The following RAPGEF4 variants were observed in gnomAD, a reference collection of about 807,000 sequenced individuals.
RAPGEF4 encodes Rap guanine nucleotide exchange factor 4, also known as RAP guanine-nucleotide-exchange factor (GEF) 4.
Under a neutral mutation model 147.9 loss-of-function variants are expected in RAPGEF4, and 66 were observed. The ratio of observed to expected loss-of-function variants is 0.45; its 90% confidence interval spans 0.37 to 0.55. RAPGEF4 has a LOEUF of 0.55. RAPGEF4 is among the 20% of genes least tolerant of loss of function. RAPGEF4 has a pLI of 0.00. For synonymous variants in RAPGEF4, 419 were observed against 442.7 expected, an observed-to-expected ratio of 0.95 and a Z score of 0.67; for missense variants, 1,071 against 1,257.3, an observed-to-expected ratio of 0.85 and a Z score of 2.24.
chr2:172,869,386 T>G (rs575588151), intron 4 of RAPGEF4, among the ~76,000 whole-genome samples: 2 of 152,232 alleles, frequency 1.3e-5, no homozygotes, highest in Non-Finnish European at 2.9e-5. Flanking sequence ...AGTTAAAATA[T>G]TGAAAAATCT....
At chr2:172,939,397 C>T (rs910949630) in intron 6 of RAPGEF4, among the ~76,000 whole-genome samples, 1 of 152,146 alleles carries the variant, frequency 6.6e-6, no homozygotes, top group Admixed American at 6.5e-5. Flanking sequence ...TTCCATTTCC[C>T]TAATGACAGA....
chr2:172,829,615 C>G (rs995419336), intron 4 of RAPGEF4, among the ~76,000 whole-genome samples: 1 of 152,028 alleles, frequency 6.6e-6, no homozygotes, highest in African/African-American at 2.4e-5. Flanking sequence ...TGTAGATTGA[C>G]TCTTTAGTGG....
At position 172,916,241 on chromosome 2, in the gene RAPGEF4, C is replaced by A. The variant is rs541880342; in HGVS notation, c.445-1561C>A. On this transcript the variant is annotated intron_variant, in intron 4 of 30. Transcript: ENST00000397081. The stretch of plus-strand genomic sequence containing the variant: ...GGGATTGACATTAAGGTGCCTGAGA[C>A]AAAGAACACCCGTCACATCCAAGAC... Among the ~76,000 whole-genome samples, 39 of 152,294 alleles carry A rather than the reference C, an allele frequency of 2.6e-4. 1 individual carries two copies. In the South Asian group the frequency reaches 8.1e-3, roughly 32 times the overall value.
chr2:172,873,222 A>G (rs1485501354), intron 4 of RAPGEF4, among the ~76,000 whole-genome samples: 2 of 152,204 alleles, frequency 1.3e-5, no homozygotes, highest in Non-Finnish European at 2.9e-5. Context: ...GGAGACTCCT[A>G]AGAACCTTTC....
chr2:172,930,525 C>T (rs1450188492), intron 6 of RAPGEF4, among the ~76,000 whole-genome samples: 1 of 152,098 alleles, frequency 6.6e-6, no homozygotes, highest in Non-Finnish European at 1.5e-5. Flanking sequence ...TCTTTGTTTG[C>T]CCCCCTCTTT....
chr2:172,776,399 T>C (rs1004910306), intron 1 of RAPGEF4, among the ~76,000 whole-genome samples: 1 of 152,234 alleles, frequency 6.6e-6, no homozygotes. Context: ...GTGGCCATCT[T>C]TAATCTACCA....
chr2:173,004,137 G>C (rs554011723), intron 17 of RAPGEF4, among the ~76,000 whole-genome samples: 1 of 152,248 alleles, frequency 6.6e-6, no homozygotes, highest in Non-Finnish European at 1.5e-5. Flanking sequence ...ACGTATTTCT[G>C]TTCTTAATCC....
intron 6 of RAPGEF4, among the ~76,000 whole-genome samples, chr2:172,944,395 AG>A (rs1687472892): frequency 1.3e-5 from 2 of 152,186 alleles, no homozygotes; most frequent in Non-Finnish European, 2.9e-5. Flanking sequence ...TTTCCATGTT[AG>A]GTAGAGATAG....
intron 4 of RAPGEF4, among the ~76,000 whole-genome samples, chr2:172,847,725 C>G (rs966108784): frequency 1.3e-5 from 2 of 152,154 alleles, no homozygotes; most frequent in Admixed American, 6.5e-5. Flanking sequence ...TGTAAAAGGG[C>G]AGGGACGTAG....
intron 9 of RAPGEF4, among the ~76,000 whole-genome samples, chr2:172,966,239 ACT>A: frequency 6.6e-6 from 1 of 152,276 alleles, no homozygotes; most frequent in Non-Finnish European, 1.5e-5. Flanking sequence ...CTGGTGTGTA[ACT>A]CTGGCCAAAC....
In RAPGEF4 at chr2:173,001,462, C is replaced by T. The variant is rs78799926; in HGVS notation, c.1658+118C>T. The T allele has an allele frequency of 1.2e-3, 1,534 of 1,230,284 alleles. 22 individuals carry two copies. The African/African-American group carries it at 0.021, about 17-fold the overall frequency. 76.2% of individuals were successfully genotyped at this position (1,230,284 alleles called of 1,614,324 possible). A position where few individuals can be genotyped will look rare whatever the true frequency, so the allele number is the denominator to read the frequency against. ...ATGGCCCAGGCAGAGTTGTGCATTC[C>T]ACCCTCATCACACTGAAATGTGTTT... On this transcript the variant is annotated intron_variant, in intron 17 of 30. Coordinates refer to ENST00000397081, the MANE Select transcript of RAPGEF4 (RefSeq NM_007023.4).
At chr2:172,855,026 G>T (rs1693263611) in intron 4 of RAPGEF4, among the ~76,000 whole-genome samples, 1 of 152,124 alleles carries the variant, frequency 6.6e-6, no homozygotes, top group African/African-American at 2.4e-5. Flanking sequence ...ACTCACAGTA[G>T]ATCTAAAAAT....
intron 29 of RAPGEF4, among the ~76,000 whole-genome samples, chr2:173,047,022 C>T (rs73971882): frequency 7.4e-4 from 112 of 152,304 alleles, no homozygotes; most frequent in African/African-American, 2.6e-3. Context: ...ACTAGAATTA[C>T]ATAGCTGCTC....
At chr2:173,038,851 G>A (rs1684382545) in intron 29 of RAPGEF4, among the ~76,000 whole-genome samples, 1 of 152,186 alleles carries the variant, frequency 6.6e-6, no homozygotes, top group Admixed American at 6.5e-5. Context: ...ATCTGTTGGG[G>A]TAGATAAAAG....
chr2:173,022,327 T>C (rs941293527), intron 23 of RAPGEF4, among the ~76,000 whole-genome samples: 3 of 152,300 alleles, frequency 2.0e-5, no homozygotes, highest in African/African-American at 7.2e-5. Context: ...TCCTTGCTCG[T>C]CCTCTGTTTT....
chr2:172,785,405 A>G lies in RAPGEF4; in HGVS notation c.66-9620A>G, dbSNP rs55633839. ...TTAAAAAATGTCTTGGTGGCTAATA[A>G]TGATGATGACGACGGTGGTACTAGA... On this transcript the variant is annotated intron_variant, in intron 1 of 30. Coordinates refer to ENST00000397081, the MANE Select transcript of RAPGEF4 (RefSeq NM_007023.4). Among the ~76,000 whole-genome samples, 685 of 152,316 alleles carry G rather than the reference A, an allele frequency of 4.5e-3. 3 individuals carry two copies. Among genetic ancestry groups the G allele is most frequent in the Middle Eastern group, 0.01 (3 of 294 alleles).
rs768030231 is a variant in RAPGEF4 at position 173,018,651 on chromosome 2, G to GATAGTT, written c.2009-4_2010dup. The GATAGTT allele has an allele frequency of 1.9e-6, 3 of 1,611,928 alleles. No homozygotes were observed. Among genetic ancestry groups the GATAGTT allele is most frequent in the Non-Finnish European group, 2.5e-6 (3 of 1,179,196 alleles). On this transcript the variant is annotated splice_region_variant and splice_polypyrimidine_tract_variant and intron_variant, in intron 21 of 30. Transcript: ENST00000397081. Reference sequence around the variant, plus strand: ...ATTTACTACCTTGTTACTGCCTTTGGATAGTTCTGTTTAAGGTCTATTGCA... The same window carrying GATAGTT: ...ATTTACTACCTTGTTACTGCCTTTGGATAGTTATAGTTCTGTTTAAGGTCTATTGCA...
chr2:172,978,100 T>G (rs1691279301), intron 10 of RAPGEF4, among the ~76,000 whole-genome samples: 1 of 152,206 alleles, frequency 6.6e-6, no homozygotes. Flanking sequence ...GGAGTCCCCA[T>G]GGAAGCCTCT....
intron 8 of RAPGEF4, among the ~76,000 whole-genome samples, chr2:172,963,244 G>T (rs989833242): frequency 6.6e-6 from 1 of 152,166 alleles, no homozygotes; most frequent in Non-Finnish European, 1.5e-5. Flanking sequence ...GATGAGATTT[G>T]TGGGGGACAC....
Sources: allele counts gnomAD v4.1 joint callset (sites outside exome capture counted in the v4.1 genomes callset), GRCh38; gene constraint gnomAD v4.1.1; transcripts MANE v1.5; gene names NCBI Gene and HGNC (gene_info 2026-07-23, HGNC 2026-07-21).